Variants in MRC2 observed in about 807,000 individuals in gnomAD.
The protein encoded by MRC2 is C-type mannose receptor 2.
A neutral mutation model predicts 206.2 loss-of-function variants in MRC2; 84 were observed. The ratio of observed to expected loss-of-function variants is 0.41; its 90% CI spans 0.34 to 0.49. MRC2 has a LOEUF of 0.49. Among genes scored for constraint, MRC2 ranks in the 20% least tolerant of loss-of-function variants. The pLI, the probability that MRC2 is intolerant of heterozygous loss-of-function variation, is 0.31. For missense variants in MRC2, 1,676 were observed against 2,001.5 expected, an observed-to-expected ratio of 0.84 and a Z score of 3.10; for synonymous variants, 798 against 800.0, an observed-to-expected ratio of 1.00 and a Z score of 0.04.
chr17:62,630,462 C>T (rs1483104226), intron 1 of MRC2, among the ~76,000 whole-genome samples: 1 of 152,114 alleles, frequency 6.6e-6, no homozygotes, highest in East Asian at 1.9e-4. Flanking sequence ...CAAAGGGTGG[C>T]CAAGGCTGTC....
At chr17:62,631,711 G>A (rs948704059) in intron 1 of MRC2, among the ~76,000 whole-genome samples, 6 of 152,020 alleles carry the variant, frequency 3.9e-5, no homozygotes, top group Non-Finnish European at 7.4e-5. Context: ...CAGGAGGCCT[G>A]GACCGAGCCG....
chr17:62,643,079 G>C (rs916704436), intron 1 of MRC2, among the ~76,000 whole-genome samples: 1 of 152,112 alleles, frequency 6.6e-6, no homozygotes, highest in African/African-American at 2.4e-5. Flanking sequence ...TGTAATCCCA[G>C]CACTTTGGGA....
At chr17:62,656,178 T>C (rs756890734) in intron 1 of MRC2, among the ~76,000 whole-genome samples, 19 of 152,074 alleles carry the variant, frequency 1.2e-4, no homozygotes, top group Non-Finnish European at 2.1e-4. Flanking sequence ...TCCTGAGTAG[T>C]TGGGATTACA....
Position 62,667,306 on chromosome 17 carries a change from A to C in MRC2, c.974-84A>C. 6.8e-7 allele frequency: 1 copy of C among 1,479,296 alleles called. No individual in the cohort carries two copies. The highest frequency in any genetic ancestry group is 9.0e-7 in the Non-Finnish European group (1 of 1,109,844). The allele number at this position is 1,479,296 out of a possible 1,614,324, so 91.6% of individuals were successfully genotyped here. A position where few individuals can be genotyped will look rare whatever the true frequency, so the allele number is the denominator to read the frequency against. On this transcript the variant is annotated intron_variant, in intron 5 of 29. Coordinates refer to ENST00000303375, the MANE Select transcript of MRC2 (RefSeq NM_006039.5). This position sits in a 1 kb window ranked among gnomAD's most constrained non-coding sequence, Gnocchi z 4.1. ...CTCAGGCTTCCGAGGGAGCAGAGGGAGGTAGGAGGTTCTGAGCAGGGCCCC... is the reference window on the plus strand; with the variant it reads ...CTCAGGCTTCCGAGGGAGCAGAGGGCGGTAGGAGGTTCTGAGCAGGGCCCC...
In MRC2 at chr17:62,692,592, C is replaced by A; in HGVS notation, c.*141C>A. ...GTCGCTGTTGGGAGCCGGAGCTGGG[C>A]AGAGCCTGGGCTGGTGGGGTGCCAC... On this transcript the variant is annotated 3_prime_UTR_variant, in exon 30 of 30. Coordinates refer to ENST00000303375, the MANE Select transcript of MRC2 (RefSeq NM_006039.5). The surrounding 1 kb of genome is among the most constrained non-coding windows in gnomAD (Gnocchi z 4.2). 1 of 871,218 alleles carries A rather than the reference C, an allele frequency of 1.1e-6. No homozygotes were observed. The highest frequency in any genetic ancestry group is 1.7e-6 in the Non-Finnish European group (1 of 573,976). The allele number at this position is 871,218 out of a possible 1,614,324, so 54.0% of individuals were successfully genotyped here.
At chr17:62,676,564 C>T (rs369360304) in intron 11 of MRC2, 33 bp downstream of exon 11, 68 of 1,552,258 alleles carry the variant, frequency 4.4e-5, no homozygotes, top group East Asian at 6.8e-5. Context: ...CTTGGTGAAG[C>T]GAGGAGGGAG....
chr17:62,674,220 C>A, intron 9 of MRC2, 50 bp downstream of exon 9: 1 of 1,374,482 alleles, frequency 7.3e-7, no homozygotes, highest in Non-Finnish European at 9.9e-7. Flanking sequence ...GTCAGAGGGG[C>A]TACCAGGGGA....
At chr17:62,651,622 T>C (rs555992443) in intron 1 of MRC2, among the ~76,000 whole-genome samples, 2 of 152,344 alleles carry the variant, frequency 1.3e-5, no homozygotes, top group African/African-American at 4.8e-5. Flanking sequence ...TCCCCCAGGC[T>C]AGAGTGCAGT....
chr17:62,670,317 C>T (rs914203954), intron 6 of MRC2, among the ~76,000 whole-genome samples: 3 of 152,222 alleles, frequency 2.0e-5, no homozygotes, highest in Admixed American at 6.5e-5. Context: ...CACTAAAATC[C>T]GCTTGTCTGG....
At chr17:62,686,020 A>G (rs1475874258) in intron 20 of MRC2, among the ~76,000 whole-genome samples, 1 of 151,968 alleles carries the variant, frequency 6.6e-6, no homozygotes, top group Non-Finnish European at 1.5e-5. Flanking sequence ...TTGGAAGACA[A>G]TTTTTCCATG....
Position 62,680,926 on chromosome 17 carries a change from C to A in MRC2, c.2600C>A (p.Ala867Glu), listed in dbSNP as rs1299648749. ...GAGCTGACCTCGGTGCACAGCCAGGCGGAGCTAGACTTCCTGAGCCACAAC... is the reference window on the plus strand; with the variant it reads ...GAGCTGACCTCGGTGCACAGCCAGGAGGAGCTAGACTTCCTGAGCCACAAC... ...QAELTSVHSQ[A>E]ELDFLSHNLQ... Residue 867 changes from alanine to glutamate, a missense_variant, in exon 17 of 30, where the codon GCG becomes GAG. Transcript: ENST00000303375. This position sits in a 1 kb window ranked among gnomAD's most constrained non-coding sequence, Gnocchi z 4.8. 1.2e-6 allele frequency: 2 copies of A among 1,613,114 alleles called. No individual in the cohort carries two copies. The highest frequency in any genetic ancestry group is 1.7e-5 in the Admixed American group (1 of 60,020).
chr17:62,675,170 G>A lies in MRC2; in HGVS notation c.1570-620G>A, dbSNP rs2088875652. On this transcript the variant is annotated intron_variant, in intron 9 of 29. Transcript: ENST00000303375. This position sits in a 1 kb window ranked among gnomAD's most constrained non-coding sequence, Gnocchi z 4.1. ...AAGGCCAGCCTGGAATTTGTGTGGG[G>A]AGTGTTGAGGGTCCATGGTTAACAG... 6.6e-6 allele frequency among the ~76,000 whole-genome samples: 1 copy of A among 152,184 alleles called. No homozygotes were observed. Among genetic ancestry groups the A allele is most frequent in the African/African-American group, 2.4e-5 (1 of 41,444 alleles).
intron 20 of MRC2, among the ~76,000 whole-genome samples, chr17:62,687,682 T>C (rs3786130): frequency 0.31 from 46,927 of 151,962 alleles, 8,817 homozygotes; most frequent in Non-Finnish European, 0.41. Context: ...GAGATAAAAG[T>C]GTCCTAGGGC....
In MRC2 at chr17:62,672,515, G is replaced by T. The variant is rs2088838653; in HGVS notation, c.1461+363G>T. On this transcript the variant is annotated intron_variant, in intron 8 of 29. Coordinates refer to ENST00000303375, the MANE Select transcript of MRC2 (RefSeq NM_006039.5). The surrounding 1 kb of genome is among the most constrained non-coding windows in gnomAD (Gnocchi z 4.5). The stretch of plus-strand genomic sequence containing the variant: ...GGCATCAGAACCCACATTATGTGCA[G>T]ATACTTTGCAAGCAGGGCTGCACTC... Among the ~76,000 whole-genome samples the T allele has an allele frequency of 6.6e-6, 1 of 152,206 alleles. No homozygotes were observed. The highest frequency in any genetic ancestry group is 1.5e-5 in the Non-Finnish European group (1 of 68,030).
chr17:62,628,027 G>C, intron 1 of MRC2, 107 bp downstream of exon 1: 1 of 652,954 alleles, frequency 1.5e-6, no homozygotes, highest in Non-Finnish European at 2.3e-6. Flanking sequence ...TTCTCCAGAA[G>C]CGTGTGTGCG....
chr17:62,687,241 A>G (rs906840891), intron 20 of MRC2, among the ~76,000 whole-genome samples: 13 of 151,990 alleles, frequency 8.6e-5, no homozygotes, highest in African/African-American at 2.9e-4. Flanking sequence ...GCTCACTGCA[A>G]CCTCCGCCTC....
intron 6 of MRC2, among the ~76,000 whole-genome samples, chr17:62,668,239 C>T (rs1023050186): frequency 8.6e-5 from 13 of 151,878 alleles, no homozygotes; most frequent in African/African-American, 2.9e-4. Context: ...GCACGCCTGT[C>T]TACTAGGGAG....
In MRC2 at chr17:62,688,916, G is replaced by T; in HGVS notation, c.3290G>T (p.Ser1097Ile). 1 of 1,613,874 alleles carries T rather than the reference G, an allele frequency of 6.2e-7. No homozygotes were observed. The highest frequency in any genetic ancestry group is 8.5e-7 in the Non-Finnish European group (1 of 1,180,010). Residue 1097 changes from serine to isoleucine, a missense_variant, in exon 23 of 30, where the codon AGC (serine) becomes ATC (isoleucine). Transcript: ENST00000303375. ...TTCACTGGCCGCTGGGACGATCGGAGCTGCACGGAGGAGACCCATGGCTTC... is the reference window on the plus strand; with the variant it reads ...TTCACTGGCCGCTGGGACGATCGGATCTGCACGGAGGAGACCCATGGCTTC... Reference protein sequence around the residue: ...AHFTGRWDDRSCTEETHGFIC... With the variant: ...AHFTGRWDDRICTEETHGFIC...
In MRC2 at chr17:62,691,006, C is replaced by T. The variant is rs767274731; in HGVS notation, c.4070C>T (p.Pro1357Leu). The T allele has an allele frequency of 1.3e-5, 21 of 1,608,648 alleles. No homozygotes were observed. The highest frequency in any genetic ancestry group is 1.1e-4 in the South Asian group (10 of 90,452). ...TAVNYSNWGP[P>L]GLGPSMLSHN... ...GTGAACTACTCCAACTGGGGGCCCC[C>T]GGGCTTGGGCCCCAGCATGCTGAGC... is the stretch of plus-strand genomic sequence containing the variant. Residue 1357 changes from proline to leucine, a missense_variant, in exon 28 of 30, where the codon CCG becomes CTG. Physicochemically the swap from Pro to Leu is moderately conservative, Grantham distance 98 (BLOSUM62 -3). Transcript: ENST00000303375.
Sources: allele counts gnomAD v4.1 joint callset (sites outside exome capture counted in the v4.1 genomes callset), GRCh38; gene constraint gnomAD v4.1.1; non-coding constraint Gnocchi (gnomAD v3.1); transcripts MANE v1.5; gene names NCBI Gene and HGNC (gene_info 2026-07-23, HGNC 2026-07-21).